MCC: variants seen among roughly 807,000 people sequenced by gnomAD.
The protein encoded by MCC is MCC regulator of Wnt signaling pathway.
A neutral mutation model predicts 116.2 loss-of-function variants in MCC; 90 were observed. That is an observed-to-expected ratio of 0.77 (90% CI 0.65 to 0.92). MCC has a LOEUF of 0.92. MCC is among the 40% of genes least tolerant of loss of function. The probability of loss-of-function intolerance (pLI) is 0.00; values close to 1 mark genes in which losing one functional copy is unlikely to be tolerated. For synonymous variants in MCC, 578 were observed against 510.5 expected, an observed-to-expected ratio of 1.13 and a Z score of -1.78; for missense variants, 1,516 against 1,312.2, an observed-to-expected ratio of 1.16 and a Z score of -2.40.
chr5:113,209,821 T>C (rs1763053961), intron 3 of MCC, among the ~76,000 whole-genome samples: 1 of 151,870 alleles, frequency 6.6e-6, no homozygotes, highest in African/African-American at 2.4e-5. Context: ...ATTTACTCTT[T>C]AAAAAGAAAA....
In MCC at chr5:113,049,140, G is replaced by A. The variant is rs879684038; in HGVS notation, c.2608C>T (p.Arg870Ter). Residue 870 changes from arginine to a stop codon, truncating the protein, a stop_gained, in exon 16 of 19, where the codon CGA becomes TGA. Coordinates refer to ENST00000408903, the MANE Select transcript of MCC (RefSeq NM_001085377.2). LOFTEE classifies it high-confidence loss of function. ...CCGCTGCTGGTGGAGCTGAGGGATCGCATCCGCTGCTCCTTCTGCTCCTCC... is the reference window on the plus strand; with the variant it reads ...CCGCTGCTGGTGGAGCTGAGGGATCACATCCGCTGCTCCTTCTGCTCCTCC... Reference protein sequence around the residue: ...EVEEQKEQRMRSLSSTSSGSK... With the variant: ...EVEEQKEQRM The A allele has an allele frequency of 7.4e-6, 12 of 1,614,198 alleles. No individual in the cohort carries two copies. Among genetic ancestry groups the A allele is most frequent in the South Asian group, 1.1e-5 (1 of 91,084 alleles).
intron 2 of MCC, among the ~76,000 whole-genome samples, chr5:113,359,637 AAT>A (rs1454560144): frequency 1.3e-5 from 2 of 152,252 alleles, no homozygotes; most frequent in East Asian, 3.8e-4. Flanking sequence ...AACAATTAAA[AAT>A]AATATTTGGC....
intron 2 of MCC, among the ~76,000 whole-genome samples, chr5:113,341,942 G>A (rs1160939703): frequency 2.0e-5 from 3 of 152,010 alleles, no homozygotes; most frequent in East Asian, 1.9e-4. Context: ...CCCATCACCC[G>A]AACAGTGTAC....
chr5:113,081,394 TCTGCGAGAG>T (rs981866945), intron 11 of MCC, among the ~76,000 whole-genome samples: 80 of 152,318 alleles, frequency 5.3e-4, no homozygotes, highest in African/African-American at 1.9e-3. Context: ...TAAGTGGCTG[TCTGCGAGAG>T]CCCTTTGTAA....
intron 3 of MCC, among the ~76,000 whole-genome samples, chr5:113,246,970 A>G (rs919329174): frequency 1.3e-5 from 2 of 152,174 alleles, no homozygotes; most frequent in African/African-American, 2.4e-5. Context: ...GAGTCTTGGC[A>G]AGGCTCTCTG....
intron 8 of MCC, among the ~76,000 whole-genome samples, chr5:113,088,416 C>G (rs113507432): frequency 6.6e-6 from 1 of 151,236 alleles, no homozygotes; most frequent in East Asian, 1.9e-4. Context: ...TATGTCTCCC[C>G]CAAAAGATAT....
intron 5 of MCC, among the ~76,000 whole-genome samples, chr5:113,140,795 C>T (rs1442123621): frequency 6.6e-6 from 1 of 152,184 alleles, no homozygotes; most frequent in Admixed American, 6.5e-5. Context: ...TCCAGTATGA[C>T]AAGCAATTCT....
In MCC at chr5:113,401,255, A is replaced by G. The variant is rs796381833; in HGVS notation, c.171-16043T>C. On this transcript the variant is annotated intron_variant, in intron 1 of 18. Coordinates refer to ENST00000408903, the MANE Select transcript of MCC (RefSeq NM_001085377.2). ...CTTTCACCAGGGTAAAAAGATGTAT[A>G]TTACAACATGTATTTAATATATAAA... Among the ~76,000 whole-genome samples the G allele has an allele frequency of 2.4e-4, 36 of 152,336 alleles. 1 individual carries two copies. Among genetic ancestry groups the G allele is most frequent in the African/African-American group, 7.7e-4 (32 of 41,572 alleles).
At chr5:113,177,347 CT>C (rs1761388789) in intron 3 of MCC, among the ~76,000 whole-genome samples, 2 of 152,226 alleles carry the variant, frequency 1.3e-5, no homozygotes, top group Admixed American at 6.5e-5. Context: ...CTAACATTGA[CT>C]AGTTCCTCTA....
intron 3 of MCC, among the ~76,000 whole-genome samples, chr5:113,314,149 A>AT (rs1384209216): frequency 1.3e-5 from 2 of 152,162 alleles, no homozygotes; most frequent in East Asian, 3.9e-4. Flanking sequence ...GATATTCCAG[A>AT]TTCTCTCAAA....
chr5:113,034,384 G>A (rs916429429), intron 17 of MCC, among the ~76,000 whole-genome samples: 1 of 152,226 alleles, frequency 6.6e-6, no homozygotes, highest in Non-Finnish European at 1.5e-5. Flanking sequence ...GGGTAGCCTG[G>A]CAGTGCGGCT....
chr5:113,418,942 A>C (rs955792196), intron 1 of MCC, among the ~76,000 whole-genome samples: 2 of 152,136 alleles, frequency 1.3e-5, no homozygotes, highest in African/African-American at 4.8e-5. Flanking sequence ...GGCACAACCA[A>C]CCAAAGAGGG....
At chr5:113,095,127 T>C (rs1755927895) in intron 8 of MCC, among the ~76,000 whole-genome samples, 1 of 152,134 alleles carries the variant, frequency 6.6e-6, no homozygotes, top group South Asian at 2.1e-4. Flanking sequence ...GGAGAGTGGG[T>C]CTGTGAAACC....
chr5:113,476,491 C>A (rs966129903), intron 1 of MCC, among the ~76,000 whole-genome samples: 1 of 152,148 alleles, frequency 6.6e-6, no homozygotes, highest in African/African-American at 2.4e-5. Flanking sequence ...TATCCACATT[C>A]AAAAGAATGA....
intron 3 of MCC, among the ~76,000 whole-genome samples, chr5:113,205,523 G>A (rs998194449): frequency 6.6e-6 from 1 of 152,222 alleles, no homozygotes; most frequent in Admixed American, 6.5e-5. Flanking sequence ...TCTGCTCTGT[G>A]TATCTACCAG....
chr5:113,101,540 C>CT (rs909640150), intron 8 of MCC, 199 bp downstream of exon 8: 9,339 of 458,344 alleles, frequency 0.02, no homozygotes, highest in South Asian at 0.03. Context: ...AAAGTGTTTG[C>CT]TTTTTTTTTT....
chr5:113,435,671 G>T (rs887569166), intron 1 of MCC: 2 of 152,532 alleles, frequency 1.3e-5, no homozygotes, highest in Non-Finnish European at 2.9e-5. Context: ...GGATTCTGCC[G>T]CCTCCCTATA....
rs1232838283 is a variant in MCC, at chr5:113,068,241, T to TGGCGCC, written c.1926-64_1926-59dup. On this transcript the variant is annotated intron_variant, in intron 12 of 18. Coordinates refer to ENST00000408903, the MANE Select transcript of MCC (RefSeq NM_001085377.2). ...CAGAGAACAGCGGACACCTTCAATG[T>TGGCGCC]GGCGCCGGTTTCTGTGCAGGAGGCA... 4 of 1,359,892 alleles carry TGGCGCC rather than the reference T, an allele frequency of 2.9e-6. No homozygotes were observed. The Admixed American group carries it at 5.4e-5, about 18-fold the overall frequency. The allele number at this position is 1,359,892 out of a possible 1,614,324, so 84.2% of individuals were successfully genotyped here. A position where few individuals can be genotyped will look rare whatever the true frequency, so the allele number is the denominator to read the frequency against.
chr5:113,195,404 C>T (rs1047118856), intron 3 of MCC, among the ~76,000 whole-genome samples: 4 of 152,132 alleles, frequency 2.6e-5, no homozygotes, highest in African/African-American at 9.7e-5. Flanking sequence ...AAACTGTCTG[C>T]TTAGGTCTGG....
Sources: allele counts gnomAD v4.1 joint callset (sites outside exome capture counted in the v4.1 genomes callset), GRCh38; gene constraint gnomAD v4.1.1; transcripts MANE v1.5; gene names NCBI Gene and HGNC (gene_info 2026-07-23, HGNC 2026-07-21).